EFCAB6: variants seen among roughly 807,000 people sequenced by gnomAD.
The protein encoded by EFCAB6 is EF-hand calcium-binding domain-containing protein 6.
In EFCAB6, 156 loss-of-function variants were observed where a neutral mutation model predicts 169.8. That is an observed-to-expected ratio of 0.92 (90% CI 0.81 to 1.05). The LOEUF is 1.05. Among genes scored for constraint, EFCAB6 ranks in the 50% least tolerant of loss-of-function variants. The pLI, the probability that EFCAB6 is intolerant of heterozygous loss-of-function variation, is 0.00. For missense variants in EFCAB6, 1,800 were observed against 1,829.1 expected (o/e 0.98, Z 0.29); for synonymous variants, 698 against 676.4 (o/e 1.03, Z -0.50).
chr22:43,804,130 T>C (rs998275117), intron 2 of EFCAB6, among the ~76,000 whole-genome samples: 1 of 152,224 alleles, frequency 6.6e-6, no homozygotes, highest in Non-Finnish European at 1.5e-5. Flanking sequence ...GTATCTTTTA[T>C]GATCACAATG....
At chr22:43,721,544 G>A (rs1234450559) in intron 8 of EFCAB6, among the ~76,000 whole-genome samples, 1 of 152,108 alleles carries the variant, frequency 6.6e-6, no homozygotes, top group Non-Finnish European at 1.5e-5. Flanking sequence ...TACAAAAACA[G>A]ACACATAGGC....
intron 2 of EFCAB6, among the ~76,000 whole-genome samples, chr22:43,801,184 T>C (rs189873997): frequency 6.6e-6 from 1 of 152,206 alleles, no homozygotes. Context: ...TTTTCAAAGT[T>C]CTAAAAGAAA....
At chr22:43,644,317 G>A (rs534561861) in intron 17 of EFCAB6, among the ~76,000 whole-genome samples, 1 of 152,208 alleles carries the variant, frequency 6.6e-6, no homozygotes, top group South Asian at 2.1e-4. Flanking sequence ...ATCCACTGAG[G>A]GGTTCACGAT....
chr22:43,531,057 C>T (rs956576858), intron 30 of EFCAB6, 93 bp from the exon 31 acceptor site: 6 of 1,541,390 alleles, frequency 3.9e-6, no homozygotes, highest in Non-Finnish European at 5.3e-6. Flanking sequence ...TCGCCCAGCC[C>T]TGCTCCGGCT....
intron 13 of EFCAB6, among the ~76,000 whole-genome samples, chr22:43,675,020 A>G (rs1231814951): frequency 6.6e-6 from 1 of 151,946 alleles, no homozygotes; most frequent in African/African-American, 2.4e-5. Flanking sequence ...TCACACACGC[A>G]TCTACTACCT....
intron 10 of EFCAB6, among the ~76,000 whole-genome samples, chr22:43,690,157 T>G (rs137801): frequency 6.6e-6 from 1 of 151,986 alleles, no homozygotes; most frequent in Admixed American, 6.5e-5. Context: ...TACCTACTCT[T>G]GCCTTCCTCC....
chr22:43,555,058 C>T lies in EFCAB6; in HGVS notation c.3459G>A (p.Pro1153=), dbSNP rs142712637. 61 of 1,614,058 alleles carry T rather than the reference C, an allele frequency of 3.8e-5. No homozygotes were observed. The highest frequency in any genetic ancestry group is 6.7e-5 in the East Asian group (3 of 44,900). The change falls in exon 27 of 32, where the codon CCG becomes CCA. Residue 1153 remains proline (P), a synonymous_variant. Transcript: ENST00000262726. ...DEWAEKMPKG[P]PPTSPKATAD... ...CTGTGGCCTTGGGAGAGGTAGGCGG[C>T]GGGCCTTTGGGCATTTTCTCAGCCC...
At chr22:43,666,090 T>G (rs1029888074) in intron 17 of EFCAB6, among the ~76,000 whole-genome samples, 1 of 152,196 alleles carries the variant, frequency 6.6e-6, no homozygotes, top group Admixed American at 6.5e-5. Flanking sequence ...ACCTAGCCTA[T>G]TCCCTTATGT....
At position 43,751,718 on chromosome 22, in the gene EFCAB6, G is replaced by A. The variant is rs116018360; in HGVS notation, c.507+4048C>T. Among the ~76,000 whole-genome samples, 246 of 152,272 alleles carry A rather than the reference G, an allele frequency of 1.6e-3. 1 individual carries two copies. The highest frequency in any genetic ancestry group is 5.4e-3 in the African/African-American group (223 of 41,520). The stretch of plus-strand genomic sequence containing the variant: ...ACAAAGCTCCACCGACTTGTGCGGT[G>A]ATGATGAACAGAAAGACTTCTCTCT... On this transcript the variant is annotated intron_variant, in intron 6 of 31. Transcript: ENST00000262726.
At chr22:43,678,443 G>A (rs2057869411) in intron 12 of EFCAB6, among the ~76,000 whole-genome samples, 1 of 151,524 alleles carries the variant, frequency 6.6e-6, no homozygotes, top group East Asian at 2.0e-4. Context: ...TGAGCAATGA[G>A]GCCCATTTCT....
intron 8 of EFCAB6, among the ~76,000 whole-genome samples, chr22:43,726,426 A>G (rs1603286171): frequency 1.3e-5 from 2 of 152,300 alleles, no homozygotes; most frequent in East Asian, 3.9e-4. Flanking sequence ...GCAAAATATA[A>G]ACAGAAAACT....
At chr22:43,648,932 C>T (rs1162930779) in intron 17 of EFCAB6, among the ~76,000 whole-genome samples, 2 of 152,154 alleles carry the variant, frequency 1.3e-5, no homozygotes, top group Non-Finnish European at 2.9e-5. Flanking sequence ...ACAAAGCTCC[C>T]CATCCCCGCC....
intron 23 of EFCAB6, among the ~76,000 whole-genome samples, chr22:43,598,788 A>AT (rs1198728813): frequency 2.6e-5 from 4 of 152,162 alleles, no homozygotes; most frequent in Non-Finnish European, 5.9e-5. Context: ...GTACCCACAC[A>AT]TTTTTTAAAA....
intron 27 of EFCAB6, among the ~76,000 whole-genome samples, chr22:43,550,749 C>A (rs2048333580): frequency 6.6e-6 from 1 of 151,720 alleles, no homozygotes; most frequent in Non-Finnish European, 1.5e-5. Flanking sequence ...AGTCATCAAG[C>A]AATCACTGTG....
chr22:43,693,426 A>T (rs1456182454), intron 10 of EFCAB6, among the ~76,000 whole-genome samples: 1 of 151,024 alleles, frequency 6.6e-6, no homozygotes, highest in Non-Finnish European at 1.5e-5. Context: ...TTAACCAGCA[A>T]TCATCAAAAC....
intron 6 of EFCAB6, among the ~76,000 whole-genome samples, chr22:43,740,390 C>G (rs1309633238): frequency 3.3e-5 from 5 of 152,120 alleles, no homozygotes; most frequent in African/African-American, 4.8e-5. Context: ...AATCTGTCTC[C>G]TCCTCACCTG....
intron 13 of EFCAB6, among the ~76,000 whole-genome samples, chr22:43,674,399 T>C (rs2057630896): frequency 6.6e-6 from 1 of 152,014 alleles, no homozygotes; most frequent in South Asian, 2.1e-4. Flanking sequence ...AGGCCACAAA[T>C]GTGACTCTGA....
chr22:43,653,061 A>G (rs1450944176), intron 17 of EFCAB6, among the ~76,000 whole-genome samples: 1 of 152,214 alleles, frequency 6.6e-6, no homozygotes, highest in Non-Finnish European at 1.5e-5. Context: ...CGCTGAAAGC[A>G]AAAAGATAGA....
chr22:43,716,090 T>C (rs550354895), intron 9 of EFCAB6, among the ~76,000 whole-genome samples: 20 of 152,364 alleles, frequency 1.3e-4, no homozygotes, highest in African/African-American at 4.8e-4. Context: ...CTTTTGGGCT[T>C]TACTTCATGC....
Sources: gnomAD v4.1 joint callset for allele counts (sites outside exome capture counted in the v4.1 genomes callset) on GRCh38, gnomAD v4.1.1 for gene constraint, MANE v1.5 for transcripts, NCBI Gene and HGNC (gene_info 2026-07-23, HGNC 2026-07-21) for gene names.